SH3TC1: variants seen among roughly 807,000 people sequenced by gnomAD.
SH3TC1 encodes SH3 domain and tetratricopeptide repeat-containing protein 1.
A neutral mutation model predicts 117.3 loss-of-function variants in SH3TC1; 135 were observed. That is an observed-to-expected ratio of 1.15 (90% CI 1.00 to 1.33). The LOEUF (loss-of-function observed/expected upper bound fraction) is 1.33. Ranked by LOEUF, SH3TC1 falls within the 40% of genes most tolerant of loss-of-function variation. The pLI is 0.00. For missense variants in SH3TC1, 2,092 were observed against 1,794.3 expected, an observed-to-expected ratio of 1.17 and a Z score of -3.00; for synonymous variants, 898 against 816.9, an observed-to-expected ratio of 1.10 and a Z score of -1.69.
At chr4:8,234,226 T>C (rs1343729967) in intron 14 of SH3TC1, among the ~76,000 whole-genome samples, 2 of 148,758 alleles carry the variant, frequency 1.3e-5, no homozygotes, top group African/African-American at 5.0e-5. Context: ...CCTTCCATCA[T>C]CCATCCATTC....
Position 8,211,911 on chromosome 4 carries a change from G to T in SH3TC1, c.248-790G>T, listed in dbSNP as rs376721491. 5.9e-5 allele frequency among the ~76,000 whole-genome samples: 9 copies of T among 152,102 alleles called. No homozygotes were observed. In the South Asian group the frequency reaches 1.0e-3, roughly 18 times the overall value. On this transcript the variant is annotated intron_variant, in intron 3 of 17. Transcript: ENST00000245105. ...TGGCCCAGAGTAGGGCCGATGGGTC[G>T]GACCATGCTGCCATGGGGTCCCAAT...
intron 3 of SH3TC1, among the ~76,000 whole-genome samples, chr4:8,211,084 T>TC: frequency 9.4e-6 from 1 of 105,960 alleles, no homozygotes; most frequent in African/African-American, 3.8e-5. Context: ...TCTGGGTTTC[T>TC]CCCCCCTCCC....
intron 14 of SH3TC1, among the ~76,000 whole-genome samples, chr4:8,234,757 C>G (rs928609229): frequency 1.3e-5 from 2 of 152,256 alleles, no homozygotes; most frequent in Non-Finnish European, 2.9e-5. Flanking sequence ...GGCAGAGGCA[C>G]AGCCCCTCAC....
Position 8,217,050 on chromosome 4 carries a change from C to G in SH3TC1, c.722C>G (p.Ser241Trp). The change falls in exon 7 of 18, where the codon TCG becomes TGG. Residue 241 changes from serine to tryptophan, a missense_variant. Coordinates refer to ENST00000245105, the MANE Select transcript of SH3TC1 (RefSeq NM_018986.5). Reference sequence around the variant, plus strand: ...GGCCCCCAGGCCCTCAGGCAGGCTTCGGGGGCACCCCAGGGAGAGGCGGCC... The same window carrying G: ...GGCCCCCAGGCCCTCAGGCAGGCTTGGGGGGCACCCCAGGGAGAGGCGGCC... ...GNGPQALRQA[S>W]GAPQGEAAPE... The G allele has an allele frequency of 6.2e-7, 1 of 1,613,184 alleles. No individual in the cohort carries two copies. Among genetic ancestry groups the G allele is most frequent in the Non-Finnish European group, 8.5e-7 (1 of 1,179,598 alleles).
chr4:8,195,578 G>A (rs1717534002), upstream of SH3TC1, among the ~76,000 whole-genome samples: 1 of 152,198 alleles, frequency 6.6e-6, no homozygotes, highest in Non-Finnish European at 1.5e-5. Flanking sequence ...AACAGGATAC[G>A]GGGTCTCCAG....
At chr4:8,232,729 C>G in intron 13 of SH3TC1, 4 of 1,289,980 alleles carry the variant, frequency 3.1e-6, no homozygotes, top group Non-Finnish European at 4.0e-6. Context: ...TTGCTGCACT[C>G]ACACCCCTTC....
At position 8,205,389 on chromosome 4, in the gene SH3TC1, A is replaced by ACCCCC; in HGVS notation, c.172+26_172+27insCCCCC. On this transcript the variant is annotated intron_variant, in intron 2 of 17. Transcript: ENST00000245105. The surrounding 1 kb of genome is among the most constrained non-coding windows in gnomAD (Gnocchi z 5.4). ...GCGGTGAGTTCATTCCACCCTCACC[A>ACCCCC]CCCGCCCTCCATCCCACCCACTTCT... is the stretch of plus-strand genomic sequence containing the variant. 6.6e-7 allele frequency: 1 copy of ACCCCC among 1,526,546 alleles called. No homozygotes were observed. Among genetic ancestry groups the ACCCCC allele is most frequent in the Non-Finnish European group, 8.8e-7 (1 of 1,134,642 alleles). 94.6% of individuals were successfully genotyped at this position (1,526,546 alleles called of 1,614,324 possible).
At chr4:8,218,493 C>G (rs1361331865) in intron 8 of SH3TC1, 146 bp downstream of exon 8, 35 of 564,264 alleles carry the variant, frequency 6.2e-5, no homozygotes, top group Non-Finnish European at 6.4e-5. Context: ...TTTGTTATTG[C>G]TTTCAATGGC....
intron 16 of SH3TC1, 80 bp downstream of exon 16, chr4:8,236,508 A>C: frequency 2.8e-6 from 4 of 1,405,728 alleles, no homozygotes; most frequent in Non-Finnish European, 3.7e-6. Context: ...GCAGGAGCCG[A>C]AACAGCTGCC....
intron 7 of SH3TC1, 176 bp from the exon 8 acceptor site, chr4:8,218,095 A>G (rs1269229737): frequency 4.2e-6 from 2 of 475,348 alleles, no homozygotes; most frequent in African/African-American, 3.9e-5. Flanking sequence ...CGGGGCCTGA[A>G]GGCCACACAC....
rs1448818760 is a variant in SH3TC1 at position 8,228,100 on chromosome 4, C to T, written c.2406C>T (p.His802=). 24 of 1,609,580 alleles carry T rather than the reference C, an allele frequency of 1.5e-5. No individual in the cohort carries two copies. The highest frequency in any genetic ancestry group is 8.4e-5 in the Admixed American group (5 of 59,838). ...LAQLYSHHGC[H]GPAITFMTQA... ...AGCTGTACAGCCACCATGGCTGCCA[C>T]GGCCCGGCCATCACCTTCATGACGC... is the stretch of plus-strand genomic sequence containing the variant. The change falls in exon 12 of 18, where the codon CAC becomes CAT. Residue 802 remains histidine, a synonymous_variant. Coordinates refer to ENST00000245105, the MANE Select transcript of SH3TC1 (RefSeq NM_018986.5).
At chr4:8,197,675 A>G (rs1294157797), upstream of SH3TC1, among the ~76,000 whole-genome samples, 4 of 152,140 alleles carry the variant, frequency 2.6e-5, no homozygotes, top group African/African-American at 9.7e-5. Flanking sequence ...CTGGGCCCCT[A>G]AGGGGCTTGG....
chr4:8,225,219 G>A lies in SH3TC1; in HGVS notation c.1285+3G>A, dbSNP rs535463348. On this transcript the variant is annotated splice_donor_region_variant and intron_variant, in intron 11 of 17. Coordinates refer to ENST00000245105, the MANE Select transcript of SH3TC1 (RefSeq NM_018986.5). The surrounding 1 kb of genome is among the most constrained non-coding windows in gnomAD (Gnocchi z 5.5). ...GACCGAGCAGCCGCAGGAAAAAGGT[G>A]GGTTTTGCCAGTGGCTCAGGCTTCC... 9.3e-6 allele frequency: 15 copies of A among 1,613,472 alleles called. No individual in the cohort carries two copies. Among genetic ancestry groups the A allele is most frequent in the Non-Finnish European group, 1.3e-5 (15 of 1,179,756 alleles).
intron 13 of SH3TC1, chr4:8,232,565 C>A: frequency 7.4e-7 from 1 of 1,360,128 alleles, no homozygotes; most frequent in Non-Finnish European, 9.7e-7. Flanking sequence ...GGCTTCTCTC[C>A]CACAGAAGAC....
chr4:8,227,355 G>A lies in SH3TC1; in HGVS notation c.1661G>A (p.Gly554Asp), dbSNP rs894413081. The change falls in exon 12 of 18, where the codon GGC becomes GAC. Residue 554 changes from glycine (G) to aspartate (D), a missense_variant. Transcript: ENST00000245105. The stretch of plus-strand genomic sequence containing the variant: ...GCCCGGGGGGCGGCCAAGAAAGCTG[G>A]CCTCCTCATGGCCCTGGCCAGGCTC... ...AQARGAAKKA[G>D]LLMALARLCF... 3.8e-6 allele frequency: 6 copies of A among 1,596,080 alleles called. No homozygotes were observed. The highest frequency in any genetic ancestry group is 5.1e-6 in the Non-Finnish European group (6 of 1,171,764).
intron 16 of SH3TC1, 118 bp downstream of exon 16, chr4:8,236,546 G>A: frequency 8.2e-6 from 11 of 1,339,602 alleles, no homozygotes; most frequent in South Asian, 1.6e-5. Context: ...TGTCCAGGCA[G>A]GCACATCTGC....
upstream of SH3TC1, among the ~76,000 whole-genome samples, chr4:8,198,476 C>T (rs1326539448): frequency 6.6e-6 from 1 of 152,228 alleles, no homozygotes; most frequent in Non-Finnish European, 1.5e-5. Context: ...TCAGAGCAGG[C>T]AGACAGGCGG....
chr4:8,227,141 C>A lies in SH3TC1; in HGVS notation c.1447C>A (p.Pro483Thr), dbSNP rs765287510. The change falls in exon 12 of 18, where the codon CCC (proline) becomes ACC (threonine). Residue 483 changes from proline to threonine, a missense_variant. Coordinates refer to ENST00000245105, the MANE Select transcript of SH3TC1 (RefSeq NM_018986.5). The stretch of plus-strand genomic sequence containing the variant: ...CGTGAGCTTGCAGGACCCCGAGGAG[C>A]CCTCCTTCTGCTTGGAAGCCGAGGA... The part of the protein sequence containing the change: ...SDVSLQDPEE[P>T]SFCLEAEDDW... The A allele has an allele frequency of 2.0e-5, 33 of 1,610,972 alleles. 1 individual carries two copies. In the African/African-American group the frequency reaches 2.4e-4, roughly 12 times the overall value.
intron 17 of SH3TC1, 127 bp from the exon 18 acceptor site, chr4:8,240,571 C>T (rs534195130): frequency 4.6e-5 from 68 of 1,469,030 alleles, no homozygotes; most frequent in Non-Finnish European, 6.2e-5. Flanking sequence ...AGCAGTGTCA[C>T]AGGCTTCGGG....
Sources: gnomAD v4.1 joint callset for allele counts (sites outside exome capture counted in the v4.1 genomes callset) on GRCh38, gnomAD v4.1.1 for gene constraint, Gnocchi (gnomAD v3.1) non-coding constraint, MANE v1.5 for transcripts, NCBI Gene and HGNC (gene_info 2026-07-23, HGNC 2026-07-21) for gene names.